The following AUTS2 variants were observed in gnomAD, a reference collection of about 807,000 sequenced individuals.
AUTS2 encodes autism susceptibility gene 2 protein.
A neutral mutation model predicts 112.4 loss-of-function variants in AUTS2; 17 were observed. That is an observed-to-expected ratio of 0.15 (90% CI 0.10 to 0.23). The LOEUF is 0.23. AUTS2 is among the 10% of genes least tolerant of loss of function. The pLI is 1.00. For synonymous variants in AUTS2, 751 were observed against 702.7 expected (o/e 1.07, Z -1.09); for missense variants, 1,510 against 1,701.6 (o/e 0.89, Z 1.98).
Position 70,792,535 on chromosome 7 carries a change from A to C in AUTS2, c.*1539A>C, listed in dbSNP as rs894265875. ...TAACTACAGACCATTGTTTCTAATA[A>C]GCAGAGAGATCTATTTTAGTAGTAA... On this transcript the variant is annotated 3_prime_UTR_variant, in exon 19 of 19. Transcript: ENST00000342771. 1.3e-5 allele frequency: 2 copies of C among 151,342 alleles called. No homozygotes were observed. The highest frequency in any genetic ancestry group is 4.9e-5 in the African/African-American group (2 of 41,224). The allele number at this position is 151,342 out of a possible 1,614,324, so 9.4% of individuals were successfully genotyped here. A position where few individuals can be genotyped will look rare whatever the true frequency, so the allele number is the denominator to read the frequency against.
In AUTS2 at chr7:70,521,926, C is replaced by T. The variant is rs186103368; in HGVS notation, c.690+86145C>T. 4.6e-5 allele frequency among the ~76,000 whole-genome samples: 7 copies of T among 152,280 alleles called. No homozygotes were observed. The East Asian group carries it at 1.2e-3, about 25-fold the overall frequency. On this transcript the variant is annotated intron_variant, in intron 5 of 18. Transcript: ENST00000342771. ...TCTATAAAATGAGGCTAATAGTACC[C>T]AGCTGATAGGGCTATTGAGAGGATC...
intron 4 of AUTS2, among the ~76,000 whole-genome samples, chr7:70,309,896 G>A (rs1789657880): frequency 6.6e-6 from 1 of 152,196 alleles, no homozygotes; most frequent in Admixed American, 6.5e-5. Flanking sequence ...CCTAAGAGGG[G>A]AGAGGTAAAG....
intron 4 of AUTS2, among the ~76,000 whole-genome samples, chr7:70,267,931 AT>A (rs1192107834): frequency 3.9e-5 from 6 of 152,106 alleles, no homozygotes; most frequent in African/African-American, 1.4e-4. Flanking sequence ...ACCCAGACTT[AT>A]TGCCTTGGTT....
intron 1 of AUTS2, among the ~76,000 whole-genome samples, chr7:69,816,129 G>C (rs139640317): frequency 6.6e-6 from 1 of 152,144 alleles, no homozygotes. Context: ...GTGTATTCAG[G>C]GCCTGAGTTT....
intron 5 of AUTS2, among the ~76,000 whole-genome samples, chr7:70,583,224 C>T (rs1192367782): frequency 2.6e-5 from 4 of 152,102 alleles, no homozygotes; most frequent in Admixed American, 6.6e-5. Flanking sequence ...TTAAGTCTTA[C>T]GGTAAGATAT....
chr7:70,607,354 T>C (rs1364231713), intron 5 of AUTS2, among the ~76,000 whole-genome samples: 1 of 152,198 alleles, frequency 6.6e-6, no homozygotes, highest in Non-Finnish European at 1.5e-5. Flanking sequence ...AATCCATTGA[T>C]GGAAAGCCTA....
At chr7:70,242,062 G>A (rs1253062164) in intron 4 of AUTS2, among the ~76,000 whole-genome samples, 1 of 152,152 alleles carries the variant, frequency 6.6e-6, no homozygotes, top group Non-Finnish European at 1.5e-5. Flanking sequence ...TTCCGCAATG[G>A]CCTCCTTTCC....
chr7:70,132,427 G>A (rs981821336), intron 3 of AUTS2, among the ~76,000 whole-genome samples: 3 of 152,090 alleles, frequency 2.0e-5, no homozygotes, highest in Non-Finnish European at 4.4e-5. Flanking sequence ...AATTCATGTC[G>A]TAATTAAAGC....
At chr7:70,098,797 G>A (rs1002962139) in intron 2 of AUTS2, among the ~76,000 whole-genome samples, 2 of 151,578 alleles carry the variant, frequency 1.3e-5, no homozygotes, top group African/African-American at 4.8e-5. Context: ...CCGCCTCTTG[G>A]GTTCAAGCAA....
chr7:69,748,728 A>G (rs904227949), intron 1 of AUTS2, among the ~76,000 whole-genome samples: 2 of 152,206 alleles, frequency 1.3e-5, no homozygotes, highest in Non-Finnish European at 2.9e-5. Context: ...TGAGGGCAAC[A>G]CTGTATGTAG....
chr7:70,072,777 C>T (rs1383127329), intron 2 of AUTS2, among the ~76,000 whole-genome samples: 1 of 151,928 alleles, frequency 6.6e-6, no homozygotes, highest in Non-Finnish European at 1.5e-5. Context: ...TTCTGTGTAC[C>T]TTTCATTTAA....
At chr7:69,979,544 T>A (rs564613860) in intron 2 of AUTS2, among the ~76,000 whole-genome samples, 1 of 152,334 alleles carries the variant, frequency 6.6e-6, no homozygotes, top group South Asian at 2.1e-4. Context: ...AATGTTAAAT[T>A]TGAAGACTAC....
intron 1 of AUTS2, among the ~76,000 whole-genome samples, chr7:69,664,726 A>C (rs1306445937): frequency 6.6e-6 from 1 of 152,178 alleles, no homozygotes; most frequent in African/African-American, 2.4e-5. Flanking sequence ...CAGACAGTCT[A>C]GTTAGAGCTG....
chr7:70,671,330 T>A (rs926197896), intron 5 of AUTS2, among the ~76,000 whole-genome samples: 1 of 152,258 alleles, frequency 6.6e-6, no homozygotes, highest in Non-Finnish European at 1.5e-5. Flanking sequence ...TTAGATTTGA[T>A]GCTTGAAATG....
At chr7:70,431,684 C>A (rs946296104) in intron 4 of AUTS2, among the ~76,000 whole-genome samples, 1 of 152,206 alleles carries the variant, frequency 6.6e-6, no homozygotes, top group South Asian at 2.1e-4. Context: ...GTCACCCGGC[C>A]GTAAATTTGT....
chr7:69,944,226 C>T (rs1271797499), intron 2 of AUTS2, among the ~76,000 whole-genome samples: 1 of 152,076 alleles, frequency 6.6e-6, no homozygotes, highest in Non-Finnish European at 1.5e-5. Context: ...AAGAATAATT[C>T]CAGCCCAGAG....
chr7:70,444,014 C>T (rs1455066062), intron 5 of AUTS2, among the ~76,000 whole-genome samples: 1 of 152,082 alleles, frequency 6.6e-6, no homozygotes, highest in Non-Finnish European at 1.5e-5. Context: ...CAGAAAAGTT[C>T]CTGCTGCTTC....
chr7:69,853,898 G>A lies in AUTS2; in HGVS notation c.310-45388G>A, dbSNP rs541859537. On this transcript the variant is annotated intron_variant, in intron 1 of 18. Coordinates refer to ENST00000342771, the MANE Select transcript of AUTS2 (RefSeq NM_015570.4). ...CTGTAAGTGAGATGAAAGTGAAAAA[G>A]GATTCAACATTTAAATTCTATTTGG... Among the ~76,000 whole-genome samples the A allele has an allele frequency of 5.9e-5, 9 of 152,144 alleles. No individual in the cohort carries two copies. In the South Asian group the frequency reaches 1.9e-3, roughly 32 times the overall value.
intron 2 of AUTS2, among the ~76,000 whole-genome samples, chr7:70,069,333 T>C (rs1802644336): frequency 6.6e-6 from 1 of 152,240 alleles, no homozygotes; most frequent in Admixed American, 6.5e-5. Context: ...AGCAAGATTG[T>C]AGATACTCTC....
Sources: allele counts gnomAD v4.1 joint callset (sites outside exome capture counted in the v4.1 genomes callset), GRCh38; gene constraint gnomAD v4.1.1; transcripts MANE v1.5; gene names NCBI Gene and HGNC (gene_info 2026-07-23, HGNC 2026-07-21).